The following SLC8A1 variants were observed in gnomAD, a reference collection of about 807,000 sequenced individuals.
SLC8A1 encodes the protein solute carrier family 8 member A1.
Under a neutral mutation model 68.3 loss-of-function variants are expected in SLC8A1, and 18 were observed. That is an observed-to-expected ratio of 0.26 (90% confidence interval 0.18 to 0.39). SLC8A1 has a LOEUF of 0.39. Among genes scored for constraint, SLC8A1 ranks in the 10% least tolerant of loss-of-function variants. The pLI is 1.00. For missense variants in SLC8A1, 985 were observed against 1,156.7 expected, an observed-to-expected ratio of 0.85 and a Z score of 2.15; for synonymous variants, 475 against 415.5, an observed-to-expected ratio of 1.14 and a Z score of -1.74.
At chr2:40,418,819 T>C (rs1428226927) in intron 2 of SLC8A1, among the ~76,000 whole-genome samples, 1 of 152,174 alleles carries the variant, frequency 6.6e-6, no homozygotes, top group East Asian at 1.9e-4. Context: ...ACAGGAGCCA[T>C]CTGGGATGGG....
intron 2 of SLC8A1, among the ~76,000 whole-genome samples, chr2:40,424,771 C>T (rs910002404): frequency 1.4e-4 from 21 of 151,858 alleles, no homozygotes; most frequent in African/African-American, 2.6e-4. Context: ...TAATACTAAA[C>T]GCTCATAATC....
chr2:40,262,654 T>C (rs2064862528), intron 2 of SLC8A1, among the ~76,000 whole-genome samples: 1 of 152,222 alleles, frequency 6.6e-6, no homozygotes, highest in African/African-American at 2.4e-5. Context: ...GAGTCCCTAA[T>C]TGCACTAGGA....
At chr2:40,226,336 T>C (rs1270936146) in intron 2 of SLC8A1, among the ~76,000 whole-genome samples, 1 of 152,164 alleles carries the variant, frequency 6.6e-6, no homozygotes, top group Non-Finnish European at 1.5e-5. Context: ...TTGCATGGCA[T>C]GTATATTCAT....
chr2:40,250,705 T>A lies in SLC8A1; in HGVS notation c.1809-72850A>T, dbSNP rs868035149. ...TCTCCTAGCCAAGGATGTGAGTCTCTCAATAACCCACATTTACCCATGAGT... is the reference window on the plus strand; with the variant it reads ...TCTCCTAGCCAAGGATGTGAGTCTCACAATAACCCACATTTACCCATGAGT... On this transcript the variant is annotated intron_variant, in intron 2 of 7. Transcript: ENST00000406785. Among the ~76,000 whole-genome samples, 3 of 152,192 alleles carry A rather than the reference T, an allele frequency of 2.0e-5. No individual in the cohort carries two copies. The South Asian group carries it at 6.2e-4, about 32-fold the overall frequency.
intron 1 of SLC8A1, among the ~76,000 whole-genome samples, chr2:40,492,538 A>G (rs921609172): frequency 6.6e-6 from 1 of 151,746 alleles, no homozygotes; most frequent in Non-Finnish European, 1.5e-5. Flanking sequence ...AAAAGAAACT[A>G]CCATCAGAGT....
intron 2 of SLC8A1, among the ~76,000 whole-genome samples, chr2:40,369,337 AGT>A (rs1677254554): frequency 6.6e-6 from 1 of 152,068 alleles, no homozygotes; most frequent in South Asian, 2.1e-4. Flanking sequence ...GGTTGTTTCT[AGT>A]GTGTCTGCAA....
intron 2 of SLC8A1, among the ~76,000 whole-genome samples, chr2:40,234,444 G>C (rs1477090501): frequency 2.6e-5 from 4 of 152,110 alleles, no homozygotes; most frequent in African/African-American, 9.7e-5. Flanking sequence ...TTGGTACATT[G>C]ATTTTGTATC....
chr2:40,235,216 A>T (rs2060202662), intron 2 of SLC8A1, among the ~76,000 whole-genome samples: 1 of 152,108 alleles, frequency 6.6e-6, no homozygotes, highest in South Asian at 2.1e-4. Context: ...TTGGCTGTGA[A>T]TCCATCTGGT....
At position 40,240,841 on chromosome 2, in the gene SLC8A1, T is replaced by C. The variant is rs577726162; in HGVS notation, c.1809-62986A>G. The stretch of plus-strand genomic sequence containing the variant: ...TGCAGTGAACCATGATCATTGCCAT[T>C]GCACTACTGCCTGGATGACAGAATG... On this transcript the variant is annotated intron_variant, in intron 2 of 7. Transcript: ENST00000406785. 1.8e-4 allele frequency among the ~76,000 whole-genome samples: 28 copies of C among 152,262 alleles called. No individual in the cohort carries two copies. In the South Asian group the frequency reaches 5.8e-3, roughly 32 times the overall value.
intron 2 of SLC8A1, among the ~76,000 whole-genome samples, chr2:40,402,306 G>C (rs1688984392): frequency 6.6e-6 from 1 of 152,102 alleles, no homozygotes; most frequent in Non-Finnish European, 1.5e-5. Flanking sequence ...GTCTAAACAG[G>C]GAGAACCCTC....
intron 2 of SLC8A1, among the ~76,000 whole-genome samples, chr2:40,350,003 A>G (rs1361375269): frequency 6.6e-6 from 1 of 152,194 alleles, no homozygotes; most frequent in Non-Finnish European, 1.5e-5. Flanking sequence ...ATCAGAGATT[A>G]GAATTTCTGA....
At chr2:40,456,784 A>G (rs1007081239), upstream of SLC8A1, among the ~76,000 whole-genome samples, 2 of 152,216 alleles carry the variant, frequency 1.3e-5, no homozygotes, top group African/African-American at 2.4e-5. Flanking sequence ...TAAAATTTCT[A>G]TATAATTAGA....
chr2:40,385,659 A>G (rs1683326007), intron 2 of SLC8A1, among the ~76,000 whole-genome samples: 1 of 151,346 alleles, frequency 6.6e-6, no homozygotes, highest in Non-Finnish European at 1.5e-5. Context: ...CACTTAATAT[A>G]CCATCTTTCA....
intron 2 of SLC8A1, among the ~76,000 whole-genome samples, chr2:40,402,290 T>C (rs1019584143): frequency 5.9e-5 from 9 of 152,154 alleles, no homozygotes; most frequent in Non-Finnish European, 1.0e-4. Context: ...GAAGTTAACA[T>C]GTATGGTCTA....
chr2:40,097,270 T>C (rs1365982621), exon 8 of SLC8A1: 1 of 152,042 alleles, frequency 6.6e-6, no homozygotes, highest in Non-Finnish European at 1.5e-5. Context: ...ACAATATGAA[T>C]GGCTAATTGA....
intron 6 of SLC8A1, 87 bp from the exon 10 acceptor site, chr2:40,139,763 A>G: frequency 7.2e-7 from 1 of 1,392,326 alleles, no homozygotes; most frequent in Non-Finnish European, 9.9e-7. Flanking sequence ...TAGGTCGGTC[A>G]TCCCTCCACT....
intron 2 of SLC8A1, among the ~76,000 whole-genome samples, chr2:40,282,946 G>A (rs1224591076): frequency 6.6e-6 from 1 of 152,112 alleles, no homozygotes; most frequent in Non-Finnish European, 1.5e-5. Flanking sequence ...CTGTGCTAAT[G>A]CCCAAATGAT....
At chr2:40,126,923 G>A (rs2038238279) in intron 7 of SLC8A1, among the ~76,000 whole-genome samples, 1 of 152,212 alleles carries the variant, frequency 6.6e-6, no homozygotes, top group Admixed American at 6.5e-5. Flanking sequence ...GGCTCCTTAA[G>A]TATCTGAGAA....
intron 2 of SLC8A1, among the ~76,000 whole-genome samples, chr2:40,178,776 C>G (rs2048929733): frequency 6.6e-6 from 1 of 152,042 alleles, no homozygotes; most frequent in South Asian, 2.1e-4. Context: ...GGAGGAAAAG[C>G]AGAAAAACAC....
Sources: gnomAD v4.1 joint callset for allele counts (sites outside exome capture counted in the v4.1 genomes callset) on GRCh38, gnomAD v4.1.1 for gene constraint, MANE v1.5 for transcripts, NCBI Gene and HGNC (gene_info 2026-07-23, HGNC 2026-07-21) for gene names.